Variants in DLGAP1 observed in about 807,000 individuals in gnomAD.
DLGAP1 encodes the protein disks large-associated protein 1.
In DLGAP1, 11 loss-of-function variants were observed where a neutral mutation model predicts 90.8. That is an observed-to-expected ratio of 0.12 (90% CI 0.08 to 0.20). DLGAP1 has a LOEUF of 0.20. Among genes scored for constraint, DLGAP1 ranks in the 10% least tolerant of loss-of-function variants. DLGAP1 has a pLI of 1.00. For synonymous variants in DLGAP1, 558 were observed against 540.7 expected (o/e 1.03, Z -0.44); for missense variants, 1,050 against 1,333.8 (o/e 0.79, Z 3.31).
chr18:4,152,692 T>C (rs1480275399), intron 1 of DLGAP1, among the ~76,000 whole-genome samples: 2 of 152,136 alleles, frequency 1.3e-5, no homozygotes, highest in East Asian at 3.8e-4. Flanking sequence ...GGCATGATAA[T>C]AATACACAGG....
At chr18:3,677,621 A>G (rs1170247525) in intron 7 of DLGAP1, among the ~76,000 whole-genome samples, 4 of 152,210 alleles carry the variant, frequency 2.6e-5, no homozygotes. Flanking sequence ...TCAGGGATCC[A>G]GTGCTCAGCC....
chr18:4,356,968 A>C (rs79645464), intron 1 of DLGAP1, among the ~76,000 whole-genome samples: 1 of 151,308 alleles, frequency 6.6e-6, no homozygotes, highest in Non-Finnish European at 1.5e-5. Context: ...CTCCCCCTTC[A>C]CCATTCAGGT....
intron 3 of DLGAP1, among the ~76,000 whole-genome samples, chr18:3,908,234 A>T (rs2071954468): frequency 6.6e-6 from 1 of 152,142 alleles, no homozygotes; most frequent in South Asian, 2.1e-4. Context: ...ATACAAAGAG[A>T]CAGTGTAATG....
intron 6 of DLGAP1, among the ~76,000 whole-genome samples, chr18:3,741,114 A>AT (rs1417673031): frequency 1.1e-4 from 13 of 116,910 alleles, no homozygotes; most frequent in African/African-American, 3.5e-4. Context: ...CACCATCACC[A>AT]CCACCATCAC....
chr18:3,825,872 C>G (rs566684094), intron 4 of DLGAP1, among the ~76,000 whole-genome samples: 1 of 152,234 alleles, frequency 6.6e-6, no homozygotes, highest in Non-Finnish European at 1.5e-5. Flanking sequence ...ATGGAATCAA[C>G]CTAGGTGCTC....
At chr18:3,580,141 T>A in intron 8 of DLGAP1, 1 of 1,157,662 alleles carries the variant, frequency 8.6e-7, no homozygotes, top group South Asian at 1.2e-5. Context: ...TAATAGCTGC[T>A]AATAATGTCT....
intron 1 of DLGAP1, among the ~76,000 whole-genome samples, chr18:4,202,037 G>T (rs1212468020): frequency 6.6e-6 from 1 of 151,992 alleles, no homozygotes; most frequent in Non-Finnish European, 1.5e-5. Flanking sequence ...GTTTATTGCA[G>T]CATAATTCAT....
At chr18:4,417,047 C>A (rs575145708) in intron 1 of DLGAP1, among the ~76,000 whole-genome samples, 1 of 152,104 alleles carries the variant, frequency 6.6e-6, no homozygotes, top group Admixed American at 6.6e-5. Context: ...AAGTCAACCC[C>A]GGTCTTGTTC....
chr18:3,669,029 T>A (rs1308235500), intron 7 of DLGAP1, among the ~76,000 whole-genome samples: 1 of 151,808 alleles, frequency 6.6e-6, no homozygotes, highest in African/African-American at 2.4e-5. Context: ...ATGATCTACA[T>A]AATATTTGAC....
rs191941784 is a variant in DLGAP1, at chr18:3,902,939, C to T, written c.-72-22799G>A. Among the ~76,000 whole-genome samples, 158 of 152,236 alleles carry T rather than the reference C, an allele frequency of 1.0e-3. 2 individuals carry two copies. Among genetic ancestry groups the T allele is most frequent in the Admixed American group, 9.3e-3 (143 of 15,304 alleles). On this transcript the variant is annotated intron_variant, in intron 3 of 12. Coordinates refer to ENST00000315677, the MANE Select transcript of DLGAP1 (RefSeq NM_004746.4). ...TCAAATCCTGCCTCCATGAAACCTT[C>T]GCTGAGAGTGATCAGCTCTCTTAAT...
In DLGAP1 at chr18:4,063,164, G is replaced by A. The variant is rs550280051; in HGVS notation, c.-158-57963C>T. On this transcript the variant is annotated intron_variant, in intron 2 of 12. Transcript: ENST00000315677. ...TTTTCTTGGTAACAGATACAGAGTA[G>A]AACTTCTCTAATGAGAGGCGATAAA... 3.3e-5 allele frequency among the ~76,000 whole-genome samples: 5 copies of A among 152,154 alleles called. No individual in the cohort carries two copies. The South Asian group carries it at 1.0e-3, about 32-fold the overall frequency.
At chr18:3,703,042 G>C (rs986389321) in intron 7 of DLGAP1, among the ~76,000 whole-genome samples, 1 of 152,200 alleles carries the variant, frequency 6.6e-6, no homozygotes, top group Non-Finnish European at 1.5e-5. Flanking sequence ...GCCCAGAGCT[G>C]GTTAAGATGT....
chr18:3,785,094 A>G (rs1489868044), intron 5 of DLGAP1, among the ~76,000 whole-genome samples: 2 of 152,220 alleles, frequency 1.3e-5, no homozygotes, highest in African/African-American at 2.4e-5. Context: ...TTGTGCATTC[A>G]TTCACTTCAT....
intron 2 of DLGAP1, among the ~76,000 whole-genome samples, chr18:4,145,737 T>C (rs939120539): frequency 1.3e-5 from 2 of 152,190 alleles, no homozygotes; most frequent in Non-Finnish European, 2.9e-5. Flanking sequence ...AAAAAATGAA[T>C]AATTTTAGTC....
chr18:4,031,310 G>T (rs1450922774), intron 2 of DLGAP1, among the ~76,000 whole-genome samples: 1 of 152,014 alleles, frequency 6.6e-6, no homozygotes, highest in Non-Finnish European at 1.5e-5. Flanking sequence ...TCAAAAGTTG[G>T]CTTCCTATTA....
At chr18:4,440,485 C>T (rs1047027976) in intron 1 of DLGAP1, among the ~76,000 whole-genome samples, 2 of 152,112 alleles carry the variant, frequency 1.3e-5, no homozygotes, top group South Asian at 2.1e-4. Flanking sequence ...GCTTTACTAT[C>T]GGTACATTAC....
intron 1 of DLGAP1, among the ~76,000 whole-genome samples, chr18:4,410,885 C>A (rs2082763104): frequency 6.6e-6 from 1 of 152,168 alleles, no homozygotes; most frequent in African/African-American, 2.4e-5. Flanking sequence ...CCACTTCAAC[C>A]TGAGGTAATC....
chr18:4,317,823 T>A (rs141491500), intron 1 of DLGAP1, among the ~76,000 whole-genome samples: 5 of 152,262 alleles, frequency 3.3e-5, no homozygotes, highest in African/African-American at 1.2e-4. Context: ...GTAAAATATA[T>A]AAAAAGAGCT....
intron 5 of DLGAP1, among the ~76,000 whole-genome samples, chr18:3,769,851 G>C (rs186140491): frequency 3.3e-5 from 5 of 151,908 alleles, no homozygotes; most frequent in Admixed American, 6.6e-5. Flanking sequence ...CGGTGGGTGG[G>C]GGGGGAAAAC....
Sources: gnomAD v4.1 joint callset for allele counts (sites outside exome capture counted in the v4.1 genomes callset) on GRCh38, gnomAD v4.1.1 for gene constraint, MANE v1.5 for transcripts, NCBI Gene and HGNC (gene_info 2026-07-23, HGNC 2026-07-21) for gene names.